The following NUP214 variants were observed in gnomAD, a reference collection of about 807,000 sequenced individuals.
The protein encoded by NUP214 is nucleoporin 214, also known as nuclear pore complex protein Nup214.
In NUP214, 79 loss-of-function variants were observed where a neutral mutation model predicts 196.2. The observed-to-expected ratio is 0.40, with a 90% CI of 0.34 to 0.49. The LOEUF (loss-of-function observed/expected upper bound fraction) is 0.49, where lower values mean the gene tolerates loss of function less well. Among genes scored for constraint, NUP214 ranks in the 20% least tolerant of loss-of-function variants. The pLI, the probability that NUP214 is intolerant of heterozygous loss-of-function variation, is 0.58. For synonymous variants in NUP214, 1,020 were observed against 990.5 expected (o/e 1.03, Z -0.56); for missense variants, 2,468 against 2,539.0 (o/e 0.97, Z 0.60).
chr9:131,150,269 A>C, intron 14 of NUP214, 55 bp from the exon 15 acceptor site: 1 of 1,476,718 alleles, frequency 6.8e-7, no homozygotes, highest in Non-Finnish European at 9.5e-7. Context: ...GCTCTGATAT[A>C]ATTGCTTGTA....
In NUP214 at chr9:131,146,338, C is replaced by T; in HGVS notation, c.1945+34C>T. 6.3e-7 allele frequency: 1 copy of T among 1,595,986 alleles called. No homozygotes were observed. The highest frequency in any genetic ancestry group is 8.6e-7 in the Non-Finnish European group (1 of 1,165,028). Reference sequence around the variant, plus strand: ...TTAAGCAGACAACTTTAGACCTCAGCCCTGCCTTCTCAGATTAACGGTTTT... The same window carrying T: ...TTAAGCAGACAACTTTAGACCTCAGTCCTGCCTTCTCAGATTAACGGTTTT... On this transcript the variant is annotated intron_variant, in intron 13 of 35. Transcript: ENST00000359428. This position sits in a 1 kb window ranked among gnomAD's most constrained non-coding sequence, Gnocchi z 4.6.
At chr9:131,218,980 T>C (rs1834481352) in intron 31 of NUP214, among the ~76,000 whole-genome samples, 1 of 152,128 alleles carries the variant, frequency 6.6e-6, no homozygotes, top group African/African-American at 2.4e-5. Flanking sequence ...CAAGGCTGTT[T>C]CTGTGTGCAC....
intron 21 of NUP214, among the ~76,000 whole-genome samples, chr9:131,166,924 C>T (rs559702622): frequency 5.3e-5 from 8 of 152,262 alleles, no homozygotes; most frequent in South Asian, 4.1e-4. Context: ...CTGAAGACAA[C>T]GCCCCTTATT....
chr9:131,203,591 G>A (rs988743234), intron 30 of NUP214, among the ~76,000 whole-genome samples: 1 of 152,124 alleles, frequency 6.6e-6, no homozygotes, highest in African/African-American at 2.4e-5. Flanking sequence ...TTGAAGATAG[G>A]CTCTGTCCTA....
intron 1 of NUP214, 137 bp from the exon 2 acceptor site, chr9:131,127,387 A>C: frequency 1.5e-6 from 1 of 685,238 alleles, no homozygotes; most frequent in Non-Finnish European, 2.4e-6. Flanking sequence ...CATCTCAAAA[A>C]AGAAAAAAAG....
At chr9:131,193,629 C>CTTTTTTTT (rs71389402) in intron 27 of NUP214, among the ~76,000 whole-genome samples, 545 of 28,212 alleles carry the variant, frequency 0.019, 174 homozygotes, top group East Asian at 0.036. Flanking sequence ...TCTTCCTTTT[C>CTTTTTTTT]TTTTTTTTTT....
rs1169015276 is a variant in NUP214 at position 131,128,395 on chromosome 9, G to A, written c.305G>A (p.Cys102Tyr). 5 of 1,613,694 alleles carry A rather than the reference G, an allele frequency of 3.1e-6. No individual in the cohort carries two copies. In the Admixed American group the frequency reaches 6.7e-5, roughly 22 times the overall value. The stretch of plus-strand genomic sequence containing the variant: ...CCAATCCATCACCTGGCCTTGAGCT[G>A]TGATAACCTCACACTCTCTGCGTGC... ...KFPIHHLALS[C>Y]DNLTLSACMM... Residue 102 changes from cysteine (C) to tyrosine (Y), a missense_variant, in exon 3 of 36, where the codon TGT (cysteine) becomes TAT (tyrosine). By Grantham distance (194) the Cys-to-Tyr change is radical. This residue lies in a region of NUP214 where 392 missense variants were observed against 417.9 expected (regional missense o/e 0.94). Transcript: ENST00000359428.
chr9:131,150,786 T>C (rs1832234030), intron 16 of NUP214, 21 bp downstream of exon 16: 3 of 1,594,328 alleles, frequency 1.9e-6, no homozygotes, highest in Non-Finnish European at 2.6e-6. Context: ...ATGGATACTT[T>C]TCCTGAGTTG....
chr9:131,155,190 A>G (rs548415213), intron 17 of NUP214, among the ~76,000 whole-genome samples: 1 of 152,330 alleles, frequency 6.6e-6, no homozygotes, highest in East Asian at 1.9e-4. Flanking sequence ...CCATTCTTGC[A>G]GAAGTAAGAC....
At position 131,140,643 on chromosome 9, in the gene NUP214, G is replaced by C; in HGVS notation, c.1227G>C (p.Gly409=). Residue 409 remains glycine, a synonymous_variant, in exon 11 of 36, where the codon GGG becomes GGC. Coordinates refer to ENST00000359428, the MANE Select transcript of NUP214 (RefSeq NM_005085.4). ...CPFYMINQNP[G]VKSLIKTPER... The stretch of plus-strand genomic sequence containing the variant: ...TTTATATGATTAATCAAAATCCTGG[G>C]GTTAAGTCTCTCATCAAAACACCAG... The C allele has an allele frequency of 6.2e-7, 1 of 1,613,880 alleles. No homozygotes were observed. Among genetic ancestry groups the C allele is most frequent in the Non-Finnish European group, 8.5e-7 (1 of 1,179,916 alleles).
chr9:131,203,537 A>G (rs1833998420), intron 30 of NUP214, among the ~76,000 whole-genome samples: 1 of 152,180 alleles, frequency 6.6e-6, no homozygotes, highest in Admixed American at 6.5e-5. Flanking sequence ...TATGTTTCTT[A>G]TACATCTTCA....
chr9:131,232,179 G>T lies in NUP214; in HGVS notation c.6215-105G>T. On this transcript the variant is annotated intron_variant, in intron 34 of 35. Coordinates refer to ENST00000359428, the MANE Select transcript of NUP214 (RefSeq NM_005085.4). This position sits in a 1 kb window ranked among gnomAD's most constrained non-coding sequence, Gnocchi z 5.1. The stretch of plus-strand genomic sequence containing the variant: ...TCCTGTAGGTGGTGGAGGCACGGAG[G>T]GCTTCCCACAAGAAGCACAGAGGAG... 2 of 1,192,894 alleles carry T rather than the reference G, an allele frequency of 1.7e-6. No homozygotes were observed. Among genetic ancestry groups the T allele is most frequent in the Non-Finnish European group, 2.5e-6 (2 of 796,442 alleles). The allele number at this position is 1,192,894 out of a possible 1,614,324, so 73.9% of individuals were successfully genotyped here. A position where few individuals can be genotyped will look rare whatever the true frequency, so the allele number is the denominator to read the frequency against.
chr9:131,140,735 A>C (rs1474488970), intron 11 of NUP214, 25 bp downstream of exon 11: 4 of 1,603,356 alleles, frequency 2.5e-6, no homozygotes, highest in Non-Finnish European at 3.4e-6. Flanking sequence ...CTGCTTTATC[A>C]GTAAGGGAAT....
intron 31 of NUP214, 86 bp downstream of exon 31, chr9:131,215,454 A>G: frequency 7.7e-7 from 1 of 1,298,732 alleles, no homozygotes; most frequent in South Asian, 2.2e-5. Flanking sequence ...AGTGACAAAT[A>G]TAAAAAGAAA....
At chr9:131,174,455 CT>C in intron 22 of NUP214, 137 bp downstream of exon 22, 15 of 450,872 alleles carry the variant, frequency 3.3e-5, no homozygotes, top group African/African-American at 3.1e-4. Context: ...TTCTTTTTTT[CT>C]TTTTTTTTTT....
intron 9 of NUP214, among the ~76,000 whole-genome samples, chr9:131,137,555 T>C: frequency 7.1e-6 from 1 of 141,352 alleles, no homozygotes; most frequent in South Asian, 2.3e-4. Flanking sequence ...GTGGTATCTT[T>C]TTTTTTTTTT....
At chr9:131,189,640 G>T (rs1195946478) in intron 26 of NUP214, among the ~76,000 whole-genome samples, 2 of 152,150 alleles carry the variant, frequency 1.3e-5, no homozygotes, top group Non-Finnish European at 2.9e-5. Flanking sequence ...AGATTTTATG[G>T]CTTCACGTAA....
chr9:131,147,457 C>G, intron 13 of NUP214, 33 bp from the exon 14 acceptor site: 1 of 1,440,278 alleles, frequency 6.9e-7, no homozygotes, highest in Non-Finnish European at 9.6e-7. Context: ...GTAATAAATG[C>G]CATCTATTTT....
chr9:131,142,666 A>G (rs1427619969), intron 11 of NUP214, among the ~76,000 whole-genome samples: 5 of 152,252 alleles, frequency 3.3e-5, no homozygotes, highest in Non-Finnish European at 5.9e-5. Context: ...ACATCTATGT[A>G]TGTCTTTACA....
Sources: allele counts gnomAD v4.1 joint callset (sites outside exome capture counted in the v4.1 genomes callset), GRCh38; gene constraint gnomAD v4.1.1; regional missense constraint gnomAD v4.1.1; non-coding constraint Gnocchi (gnomAD v3.1); transcripts MANE v1.5; gene names NCBI Gene and HGNC (gene_info 2026-07-23, HGNC 2026-07-21).